SEMA6D: variants seen among roughly 807,000 people sequenced by gnomAD.
The protein encoded by SEMA6D is semaphorin-6D.
Under a neutral mutation model 106.6 loss-of-function variants are expected in SEMA6D, and 35 were observed. The observed-to-expected ratio is 0.33, with a 90% confidence interval of 0.25 to 0.44. The LOEUF is 0.44. Ranked by LOEUF, SEMA6D falls within the 20% of genes least tolerant of loss-of-function variation. The probability of loss-of-function intolerance (pLI) is 1.00; values close to 1 mark genes in which losing one functional copy is unlikely to be tolerated. For synonymous variants in SEMA6D, 499 were observed against 487.7 expected (o/e 1.02, Z -0.31); for missense variants, 1,185 against 1,345.9 (o/e 0.88, Z 1.87).
chr15:47,568,108 G>T (rs1334508687), intron 3 of SEMA6D, among the ~76,000 whole-genome samples: 6 of 151,454 alleles, frequency 4.0e-5, no homozygotes, highest in African/African-American at 1.5e-4. Context: ...ATACACTGCT[G>T]GTGGAGATGT....
intron 1 of SEMA6D, among the ~76,000 whole-genome samples, chr15:47,718,065 G>A (rs1231052622): frequency 1.3e-4 from 20 of 152,148 alleles, no homozygotes. Flanking sequence ...AGCGGAGGGG[G>A]CATCAAGTAA....
intron 1 of SEMA6D, among the ~76,000 whole-genome samples, chr15:47,743,790 A>C (rs1172466406): frequency 6.6e-6 from 1 of 152,164 alleles, no homozygotes; most frequent in Non-Finnish European, 1.5e-5. Flanking sequence ...CCCGAAATTT[A>C]GGGGGTTCAG....
At chr15:47,617,714 G>A (rs972223959) in intron 4 of SEMA6D, among the ~76,000 whole-genome samples, 3 of 152,182 alleles carry the variant, frequency 2.0e-5, no homozygotes, top group African/African-American at 7.2e-5. Context: ...CCTAAGGCAA[G>A]ACTTCGACAG....
intron 4 of SEMA6D, among the ~76,000 whole-genome samples, chr15:47,671,622 G>C (rs1434615959): frequency 6.6e-6 from 1 of 151,902 alleles, no homozygotes; most frequent in Non-Finnish European, 1.5e-5. Context: ...TAGTCAGTGA[G>C]CAGGAAAAAA....
chr15:47,201,919 TAA>T (rs1413300148), intron 1 of SEMA6D, among the ~76,000 whole-genome samples: 2 of 152,176 alleles, frequency 1.3e-5, no homozygotes, highest in East Asian at 3.9e-4. Flanking sequence ...CTTTGCCTAA[TAA>T]AAAACCTCTG....
chr15:47,629,872 A>T (rs2077264006), intron 4 of SEMA6D, among the ~76,000 whole-genome samples: 1 of 151,874 alleles, frequency 6.6e-6, no homozygotes, highest in Non-Finnish European at 1.5e-5. Flanking sequence ...TCTGCAAATG[A>T]CATGATTTTA....
chr15:47,416,489 T>C (rs1404863911), intron 2 of SEMA6D, among the ~76,000 whole-genome samples: 1 of 152,150 alleles, frequency 6.6e-6, no homozygotes, highest in African/African-American at 2.4e-5. Context: ...TGTTTATAAC[T>C]GACTCAATTA....
intron 4 of SEMA6D, among the ~76,000 whole-genome samples, chr15:47,664,452 C>A (rs1009149914): frequency 1.3e-5 from 2 of 152,126 alleles, no homozygotes; most frequent in African/African-American, 4.8e-5. Flanking sequence ...ATTATTTAGA[C>A]CGGAAACCAC....
At chr15:47,325,538 A>G (rs2037098628) in intron 1 of SEMA6D, among the ~76,000 whole-genome samples, 1 of 152,204 alleles carries the variant, frequency 6.6e-6, no homozygotes, top group South Asian at 2.1e-4. Context: ...ATGAACTGTG[A>G]CAGAAATGCC....
At chr15:47,354,243 A>T (rs1473271356) in intron 1 of SEMA6D, among the ~76,000 whole-genome samples, 2 of 147,854 alleles carry the variant, frequency 1.4e-5, no homozygotes, top group African/African-American at 5.0e-5. Flanking sequence ...ATATATATGG[A>T]ATTAGAGCTT....
At chr15:47,482,721 G>A (rs2043187452) in intron 3 of SEMA6D, among the ~76,000 whole-genome samples, 1 of 152,104 alleles carries the variant, frequency 6.6e-6, no homozygotes, top group Non-Finnish European at 1.5e-5. Flanking sequence ...ACAAAGAGTT[G>A]TTCCAAGAAT....
chr15:47,186,035 TTGTGTATATATA>T (rs1320702220), intron 1 of SEMA6D, among the ~76,000 whole-genome samples: 1 of 152,074 alleles, frequency 6.6e-6, no homozygotes, highest in Non-Finnish European at 1.5e-5. Flanking sequence ...TATACAATAT[TTGTGTATATATA>T]TGTGTATATA....
intron 1 of SEMA6D, among the ~76,000 whole-genome samples, chr15:47,210,330 A>G (rs1020854945): frequency 2.0e-5 from 3 of 152,200 alleles, no homozygotes; most frequent in African/African-American, 7.2e-5. Context: ...CATCATAAAT[A>G]AATAGAGGTT....
chr15:47,638,784 T>G (rs905593319), intron 4 of SEMA6D, among the ~76,000 whole-genome samples: 20 of 152,252 alleles, frequency 1.3e-4, no homozygotes, highest in Non-Finnish European at 2.9e-5. Flanking sequence ...AACCGAAGAT[T>G]ACCCCAAATG....
intron 3 of SEMA6D, among the ~76,000 whole-genome samples, chr15:47,548,094 G>A (rs943239214): frequency 2.0e-5 from 3 of 152,114 alleles, no homozygotes; most frequent in African/African-American, 7.2e-5. Flanking sequence ...AAGATAAGAT[G>A]GTGTGCTCTG....
chr15:47,739,701 A>G (rs1483945673), intron 1 of SEMA6D, among the ~76,000 whole-genome samples: 1 of 152,174 alleles, frequency 6.6e-6, no homozygotes, highest in Non-Finnish European at 1.5e-5. Context: ...AATTATTTGA[A>G]CTGCAGTTTC....
intron 1 of SEMA6D, among the ~76,000 whole-genome samples, chr15:47,209,726 A>G (rs928620254): frequency 6.6e-6 from 1 of 152,112 alleles, no homozygotes; most frequent in Admixed American, 6.5e-5. Flanking sequence ...TGCTGTGTTG[A>G]TCCTCAGCAA....
rs1555431186 is a variant in SEMA6D, at chr15:47,772,346, T to TG, written c.*561_*562insG. On this transcript the variant is annotated 3_prime_UTR_variant, in exon 19 of 19. Transcript: ENST00000536845. ...CTTTTTCATGCCACCAACAAACTTG[T>TG]TGTGTGTGTGCGTGTGTGTGTGTGT... 0.026 allele frequency: 2,184 copies of TG among 83,650 alleles called. 25 individuals are homozygous for TG. The highest frequency in any genetic ancestry group is 0.036 in the Admixed American group (338 of 9,380). 5.2% of individuals were successfully genotyped at this position (83,650 alleles called of 1,614,324 possible).
At chr15:47,702,178 C>A (rs1034851273) in intron 4 of SEMA6D, among the ~76,000 whole-genome samples, 1 of 152,164 alleles carries the variant, frequency 6.6e-6, no homozygotes, top group Non-Finnish European at 1.5e-5. Context: ...AATGTCTCTT[C>A]CCCATTCCTT....
Sources: allele counts gnomAD v4.1 joint callset (sites outside exome capture counted in the v4.1 genomes callset), GRCh38; gene constraint gnomAD v4.1.1; transcripts MANE v1.5; gene names NCBI Gene and HGNC (gene_info 2026-07-23, HGNC 2026-07-21).